Variants in BTF3L4 observed in about 807,000 individuals in gnomAD.
The protein encoded by BTF3L4 is transcription factor BTF3 homolog 4.
BTF3L4 carries 6 observed loss-of-function variants against 16.8 expected under a neutral mutation model. The ratio of observed to expected loss-of-function variants is 0.36; its 90% CI spans 0.20 to 0.71. BTF3L4 has a LOEUF of 0.71. Among genes scored for constraint, BTF3L4 ranks in the 30% least tolerant of loss-of-function variants. The pLI is 0.58. For missense variants in BTF3L4, 92 were observed against 186.9 expected (o/e 0.49, Z 2.96); for synonymous variants, 39 against 59.8 (o/e 0.65, Z 1.60).
chr1:52,078,087 A>G (rs1686975925), intron 3 of BTF3L4, among the ~76,000 whole-genome samples: 1 of 152,008 alleles, frequency 6.6e-6, no homozygotes, highest in Non-Finnish European at 1.5e-5. Flanking sequence ...TTTTTAAGAC[A>G]GGGTCTCGCT....
intron 3 of BTF3L4, among the ~76,000 whole-genome samples, chr1:52,083,127 AT>A (rs1643940461): frequency 6.6e-6 from 1 of 152,218 alleles, no homozygotes; most frequent in African/African-American, 2.4e-5. Context: ...TGAATTGAAT[AT>A]TTCTTGTCCA....
chr1:52,082,687 C>T (rs763969355), intron 3 of BTF3L4, among the ~76,000 whole-genome samples: 4 of 151,268 alleles, frequency 2.6e-5, no homozygotes, highest in Non-Finnish European at 5.9e-5. Flanking sequence ...TGCAGTGAAC[C>T]GAGGTCATGC....
chr1:52,057,631 G>T (rs764537811), intron 1 of BTF3L4, among the ~76,000 whole-genome samples: 2 of 152,196 alleles, frequency 1.3e-5, no homozygotes, highest in Non-Finnish European at 2.9e-5. Flanking sequence ...GATCTTGGAG[G>T]TCTACTCCAG....
At chr1:52,070,422 A>G (rs1056131266) in intron 3 of BTF3L4, among the ~76,000 whole-genome samples, 1 of 150,326 alleles carries the variant, frequency 6.7e-6, no homozygotes, top group African/African-American at 2.4e-5. Context: ...GAAAAATCCA[A>G]GGCTGTCAGA....
intron 5 of BTF3L4, 161 bp downstream of exon 5, chr1:52,086,332 C>T (rs894388043): frequency 5.9e-6 from 3 of 509,348 alleles, no homozygotes; most frequent in African/African-American, 2.0e-5. Context: ...CGTAAGCACC[C>T]ACCTTAGAAC....
chr1:52,084,794 TA>T (rs775717822), intron 4 of BTF3L4, among the ~76,000 whole-genome samples: 3,376 of 139,250 alleles, frequency 0.024, 96 homozygotes, highest in African/African-American at 0.073. Context: ...ACCCTGTCTC[TA>T]AAAAAAAAAA....
chr1:52,066,143 A>G (rs1381832894), intron 3 of BTF3L4, among the ~76,000 whole-genome samples: 1 of 152,198 alleles, frequency 6.6e-6, no homozygotes, highest in Non-Finnish European at 1.5e-5. Flanking sequence ...ATAAATAACA[A>G]CAACTACTTG....
intron 3 of BTF3L4, among the ~76,000 whole-genome samples, chr1:52,075,033 G>A (rs773856796): frequency 3.8e-4 from 57 of 150,046 alleles, no homozygotes; most frequent in Non-Finnish European, 6.8e-4. Flanking sequence ...CTAGGATTAC[G>A]GGCATGAGCC....
At chr1:52,069,729 G>T (rs1686737186) in intron 3 of BTF3L4, among the ~76,000 whole-genome samples, 1 of 152,164 alleles carries the variant, frequency 6.6e-6, no homozygotes, top group Admixed American at 6.5e-5. Flanking sequence ...TCAGTTTAGG[G>T]AGTGAGGAAC....
intron 1 of BTF3L4, among the ~76,000 whole-genome samples, chr1:52,059,145 T>C (rs994680369): frequency 6.6e-6 from 1 of 152,026 alleles, no homozygotes; most frequent in African/African-American, 2.4e-5. Flanking sequence ...CATTTTACCC[T>C]GTATGCAAGA....
At chr1:52,061,932 G>A (rs868505648) in intron 2 of BTF3L4, among the ~76,000 whole-genome samples, 1 of 149,232 alleles carries the variant, frequency 6.7e-6, no homozygotes. Flanking sequence ...GTGAGCCACC[G>A]TGCCCGGCCT....
At chr1:52,066,454 G>C (rs2124421612) in intron 3 of BTF3L4, among the ~76,000 whole-genome samples, 2 of 150,274 alleles carry the variant, frequency 1.3e-5, no homozygotes, top group South Asian at 4.2e-4. Context: ...TGCCCACCTT[G>C]GCCTCCCAAA....
rs1473742983 is a variant in BTF3L4, at chr1:52,087,389, AC to A, written c.*633del. 7 of 152,298 alleles carry A rather than the reference AC, an allele frequency of 4.6e-5. No homozygotes were observed. The East Asian group carries it at 1.4e-3, about 29-fold the overall frequency. 9.4% of individuals were successfully genotyped at this position (152,298 alleles called of 1,614,324 possible). On this transcript the variant is annotated 3_prime_UTR_variant, in exon 6 of 6. Coordinates refer to ENST00000313334, the MANE Select transcript of BTF3L4 (RefSeq NM_152265.5). ...TGGTATGGTTGCCTTAGATTAACTT[AC>A]CTAGTCAGACCCAGAAGAACTTCTT...
chr1:52,060,043 T>C, intron 2 of BTF3L4, 142 bp downstream of exon 2: 1 of 768,324 alleles, frequency 1.3e-6, no homozygotes, highest in Non-Finnish European at 2.0e-6. Context: ...ATAACTTGTC[T>C]AGATCTAAAA....
chr1:52,085,048 T>G (rs1643958880), intron 4 of BTF3L4, among the ~76,000 whole-genome samples: 1 of 120,460 alleles, frequency 8.3e-6, no homozygotes, highest in Non-Finnish European at 1.6e-5. Flanking sequence ...TGAGACAGAG[T>G]CTTGCTCTGT....
chr1:52,071,838 G>C (rs943746393), intron 3 of BTF3L4, among the ~76,000 whole-genome samples: 4 of 151,754 alleles, frequency 2.6e-5, no homozygotes, highest in Non-Finnish European at 4.4e-5. Flanking sequence ...GAGTAAAAGG[G>C]AAGCACCATG....
In BTF3L4 at chr1:52,081,738, G is replaced by A. The variant is rs1327462920; in HGVS notation, c.169-1602G>A. On this transcript the variant is annotated intron_variant, in intron 3 of 5. Transcript: ENST00000313334. ...TGATATAATTAATAGAACCCTAAGT[G>A]TAATAGTGAGAGAGGGAAGGGTATA... 2.6e-5 allele frequency among the ~76,000 whole-genome samples: 4 copies of A among 152,190 alleles called. No individual in the cohort carries two copies. In the East Asian group the frequency reaches 7.7e-4, roughly 29 times the overall value.
chr1:52,066,640 G>A (rs1312739013), intron 3 of BTF3L4, among the ~76,000 whole-genome samples: 7 of 149,024 alleles, frequency 4.7e-5, no homozygotes, highest in African/African-American at 1.2e-4. Context: ...TCAGGGGATC[G>A]AGACCATCCT....
At chr1:52,060,667 G>A in intron 2 of BTF3L4, 1 of 1,034,074 alleles carries the variant, frequency 9.7e-7, no homozygotes, top group Non-Finnish European at 1.2e-6. Context: ...GTGGTAGGTA[G>A]GACACTACTT....
Sources: allele counts gnomAD v4.1 joint callset (sites outside exome capture counted in the v4.1 genomes callset), GRCh38; gene constraint gnomAD v4.1.1; transcripts MANE v1.5; gene names NCBI Gene and HGNC (gene_info 2026-07-23, HGNC 2026-07-21).